RIMS2: variants seen among roughly 807,000 people sequenced by gnomAD.
The protein encoded by RIMS2 is regulating synaptic membrane exocytosis protein 2.
RIMS2 carries 59 observed loss-of-function variants against 174.4 expected under a neutral mutation model. The observed-to-expected ratio is 0.34, with a 90% CI of 0.27 to 0.42. The LOEUF is 0.42. RIMS2 is among the 10% of genes least tolerant of loss of function. The pLI, the probability that RIMS2 is intolerant of heterozygous loss-of-function variation, is 1.00. For synonymous variants in RIMS2, 606 were observed against 572.5 expected, an observed-to-expected ratio of 1.06 and a Z score of -0.84; for missense variants, 1,620 against 1,666.3, an observed-to-expected ratio of 0.97 and a Z score of 0.48.
intron 1 of RIMS2, among the ~76,000 whole-genome samples, chr8:103,665,029 G>A (rs577617134): frequency 3.9e-5 from 6 of 152,180 alleles, no homozygotes; most frequent in Non-Finnish European, 8.8e-5. Flanking sequence ...CACAGGGACA[G>A]AAAACCAAAC....
At chr8:104,084,918 AC>A (rs1256221726) in intron 19 of RIMS2, among the ~76,000 whole-genome samples, 2 of 152,174 alleles carry the variant, frequency 1.3e-5, no homozygotes, top group Non-Finnish European at 2.9e-5. Context: ...GCAGTTACAC[AC>A]CCATATCTTT....
chr8:103,764,045 G>A (rs1483964786), intron 2 of RIMS2, among the ~76,000 whole-genome samples: 2 of 152,224 alleles, frequency 1.3e-5, no homozygotes, highest in East Asian at 3.8e-4. Context: ...TATTCAGTAA[G>A]TCTGGGGTGG....
exon 10 of RIMS2, chr8:103,921,775 A>G (rs770720804): frequency 3.5e-5 from 46 of 1,321,344 alleles, no homozygotes; most frequent in Non-Finnish European, 4.5e-5. Flanking sequence ...TCTTATCAGG[A>G]CAACTTTCAG....
At chr8:103,734,757 C>G (rs576676757) in intron 2 of RIMS2, among the ~76,000 whole-genome samples, 1 of 152,214 alleles carries the variant, frequency 6.6e-6, no homozygotes, top group East Asian at 1.9e-4. Context: ...GCTACATCTG[C>G]AAGCTTTGGT....
chr8:104,245,001 A>G, exon 20 of RIMS2: 1 of 1,613,956 alleles, frequency 6.2e-7, no homozygotes. Flanking sequence ...GGATGACTCG[A>G]CAGGCAAGCC....
intron 3 of RIMS2, among the ~76,000 whole-genome samples, chr8:103,802,707 A>G (rs2098620913): frequency 6.6e-6 from 1 of 152,138 alleles, no homozygotes; most frequent in Non-Finnish European, 1.5e-5. Flanking sequence ...CAGGCCTGGG[A>G]TGAACCAGTT....
chr8:104,223,165 G>C (rs2099163427), intron 19 of RIMS2, among the ~76,000 whole-genome samples: 1 of 152,188 alleles, frequency 6.6e-6, no homozygotes, highest in African/African-American at 2.4e-5. Flanking sequence ...CACGCGGAGG[G>C]AAGAGGAAAC....
chr8:103,686,511 C>T (rs561630498), intron 1 of RIMS2, among the ~76,000 whole-genome samples: 1 of 152,158 alleles, frequency 6.6e-6, no homozygotes, highest in East Asian at 1.9e-4. Flanking sequence ...TTTGTCAATT[C>T]CTAGTTTGCT....
At chr8:104,223,506 C>T in intron 19 of RIMS2, 3 of 1,400,890 alleles carry the variant, frequency 2.1e-6, no homozygotes, top group Non-Finnish European at 2.8e-6. Context: ...CGGGCTGGGT[C>T]AGGGAGGCAG....
intron 19 of RIMS2, among the ~76,000 whole-genome samples, chr8:104,158,693 C>A (rs572132230): frequency 9.2e-5 from 14 of 152,228 alleles, no homozygotes; most frequent in African/African-American, 3.4e-4. Flanking sequence ...GCATAAATGT[C>A]TTCTTTTGAG....
chr8:103,666,062 T>G (rs534953283), intron 1 of RIMS2, among the ~76,000 whole-genome samples: 6 of 152,286 alleles, frequency 3.9e-5, no homozygotes, highest in Admixed American at 6.5e-5. Flanking sequence ...GATTCCTGAA[T>G]CAGGAATCCC....
At chr8:104,190,971 A>G (rs888401967) in intron 19 of RIMS2, among the ~76,000 whole-genome samples, 1 of 147,588 alleles carries the variant, frequency 6.8e-6, no homozygotes, top group Non-Finnish European at 1.5e-5. Flanking sequence ...TCTTCTTCTG[A>G]TGTGGGAAGC....
chr8:103,759,601 GAAAGGCCAAGA>G (rs2098085589), intron 2 of RIMS2, among the ~76,000 whole-genome samples: 1 of 138,948 alleles, frequency 7.2e-6, no homozygotes, highest in African/African-American at 2.7e-5. Context: ...AAAGAAAAAA[GAAAGGCCAAGA>G]AAAGGCCAGA....
At chr8:103,980,785 G>T (rs1268032145) in intron 16 of RIMS2, among the ~76,000 whole-genome samples, 1 of 152,164 alleles carries the variant, frequency 6.6e-6, no homozygotes, top group Non-Finnish European at 1.5e-5. Context: ...GCAGTGGCCT[G>T]ACGGAACCCC....
chr8:103,968,265 A>C (rs1191133047), intron 15 of RIMS2, among the ~76,000 whole-genome samples: 2 of 152,062 alleles, frequency 1.3e-5, no homozygotes, highest in African/African-American at 4.8e-5. Flanking sequence ...TATACAGTTG[A>C]GCCTCATTTT....
chr8:103,697,063 T>C lies in RIMS2; in HGVS notation c.177-23T>C, dbSNP rs991599791. The C allele has an allele frequency of 5.7e-6, 9 of 1,575,482 alleles. No homozygotes were observed. The African/African-American group carries it at 9.5e-5, about 17-fold the overall frequency. On this transcript the variant is annotated intron_variant, in intron 1 of 23. Coordinates refer to ENST00000504942, the Ensembl canonical transcript of RIMS2. ...AGAGATCATCAGGAAACCAACTTTTTTTCTTATCTATTTTCTCTGCAGAAA... is the reference window on the plus strand; with the variant it reads ...AGAGATCATCAGGAAACCAACTTTTCTTCTTATCTATTTTCTCTGCAGAAA...
intron 1 of RIMS2, among the ~76,000 whole-genome samples, chr8:103,561,305 C>G (rs2091552063): frequency 6.6e-6 from 1 of 151,930 alleles, no homozygotes; most frequent in African/African-American, 2.4e-5. Flanking sequence ...TTCCAAATGA[C>G]TATATATTTG....
chr8:104,129,869 G>T (rs1327986711), intron 19 of RIMS2, among the ~76,000 whole-genome samples: 3 of 152,140 alleles, frequency 2.0e-5, no homozygotes, highest in Non-Finnish European at 4.4e-5. Flanking sequence ...ATACATAGTA[G>T]ATGTACAGAT....
intron 2 of RIMS2, among the ~76,000 whole-genome samples, chr8:103,734,035 T>G (rs1168910769): frequency 7.7e-6 from 1 of 129,984 alleles, no homozygotes; most frequent in Non-Finnish European, 1.7e-5. Context: ...TTTTTTTTTT[T>G]TTTTCCCAGA....
Sources: allele counts gnomAD v4.1 joint callset (sites outside exome capture counted in the v4.1 genomes callset), GRCh38; gene constraint gnomAD v4.1.1; transcripts MANE v1.5; gene names NCBI Gene and HGNC (gene_info 2026-07-23, HGNC 2026-07-21).